DYNC1LI2: variants seen among roughly 807,000 people sequenced by gnomAD.
DYNC1LI2 encodes the protein cytoplasmic dynein 1 light intermediate chain 2.
Under a neutral mutation model 57.8 loss-of-function variants are expected in DYNC1LI2, and 19 were observed. The ratio of observed to expected loss-of-function variants is 0.33; its 90% confidence interval spans 0.23 to 0.48. The LOEUF is 0.48. Among genes scored for constraint, DYNC1LI2 ranks in the 20% least tolerant of loss-of-function variants. The probability of loss-of-function intolerance (pLI) is 0.99; values close to 1 mark genes in which losing one functional copy is unlikely to be tolerated. For missense variants in DYNC1LI2, 470 were observed against 604.2 expected, an observed-to-expected ratio of 0.78 and a Z score of 2.33; for synonymous variants, 256 against 233.4, an observed-to-expected ratio of 1.10 and a Z score of -0.88.
chr16:66,746,497 G>A (rs1162493764), intron 3 of DYNC1LI2, among the ~76,000 whole-genome samples: 2 of 152,094 alleles, frequency 1.3e-5, no homozygotes, highest in South Asian at 2.1e-4. Flanking sequence ...ACTTGCAAGC[G>A]GGTGGCCTAA....
rs2018056080 is a variant in DYNC1LI2 at position 66,751,556 on chromosome 16, T to C, written c.36A>G (p.Leu12=). 1.9e-6 allele frequency: 3 copies of C among 1,584,630 alleles called. No homozygotes were observed. The highest frequency in any genetic ancestry group is 1.4e-5 in the African/African-American group (1 of 71,096). ...APVGVEKKLL[L]GPNGPAVAAA... Reference sequence around the variant, plus strand: ...CCGCCACCGCGGGCCCGTTGGGACCTAGCAGCAGCTTCTTCTCCACCCCCA... The same window carrying C: ...CCGCCACCGCGGGCCCGTTGGGACCCAGCAGCAGCTTCTTCTCCACCCCCA... The change falls in exon 1 of 13, where the codon CTA becomes CTG. Residue 12 remains leucine (L), a synonymous_variant. Coordinates refer to ENST00000258198, the MANE Select transcript of DYNC1LI2 (RefSeq NM_006141.3). This position sits in a 1 kb window ranked among gnomAD's most constrained non-coding sequence, Gnocchi z 5.2.
At chr16:66,726,873 T>C (rs1189884403) in intron 11 of DYNC1LI2, among the ~76,000 whole-genome samples, 1 of 151,900 alleles carries the variant, frequency 6.6e-6, no homozygotes, top group Non-Finnish European at 1.5e-5. Context: ...CCTCAAGTGA[T>C]CTGCCCGCCT....
At chr16:66,730,369 G>T (rs184879591) in intron 7 of DYNC1LI2, 146 bp from the exon 8 acceptor site, 1 of 644,856 alleles carries the variant, frequency 1.6e-6, no homozygotes, top group Non-Finnish European at 2.6e-6. Flanking sequence ...TTTGGCAGAT[G>T]TGCCAAAATA....
At chr16:66,723,974 G>T (rs2017494181) in intron 12 of DYNC1LI2, 152 bp from the exon 13 acceptor site, 2 of 654,982 alleles carry the variant, frequency 3.1e-6, no homozygotes, top group East Asian at 2.9e-5. Flanking sequence ...TACTGCAGTG[G>T]TGAGGAGACC....
rs1452936790 is a variant in DYNC1LI2, at chr16:66,732,482, A to C, written c.794-8T>G. ...AAATCAAGGCAGCTCCATCTAATCAATCTGCTCAAGAAAAATCAATTCACT... is the reference window on the plus strand; with the variant it reads ...AAATCAAGGCAGCTCCATCTAATCACTCTGCTCAAGAAAAATCAATTCACT... On this transcript the variant is annotated splice_region_variant and splice_polypyrimidine_tract_variant and intron_variant, in intron 6 of 12. Coordinates refer to ENST00000258198, the MANE Select transcript of DYNC1LI2 (RefSeq NM_006141.3). The C allele has an allele frequency of 1.2e-6, 2 of 1,607,510 alleles. No homozygotes were observed. Among genetic ancestry groups the C allele is most frequent in the Admixed American group, 1.7e-5 (1 of 58,856 alleles).
At chr16:66,733,953 G>T in intron 6 of DYNC1LI2, 1 of 397,000 alleles carries the variant, frequency 2.5e-6, no homozygotes, top group Admixed American at 4.1e-5. Flanking sequence ...TTGAGGTCAG[G>T]AATTTGAGAC....
intron 5 of DYNC1LI2, among the ~76,000 whole-genome samples, chr16:66,735,009 A>AC (rs1486782871): frequency 6.6e-6 from 1 of 150,868 alleles, no homozygotes; most frequent in Non-Finnish European, 1.5e-5. Context: ...AAAAAAAAAA[A>AC]AAAAAAAAAA....
In DYNC1LI2 at chr16:66,722,464, TG is replaced by T. The variant is rs1178809788; in HGVS notation, c.*1257del. On this transcript the variant is annotated 3_prime_UTR_variant, in exon 13 of 13. Transcript: ENST00000258198. ...TCATTTCCAGAATGGTGGTATAACA[TG>T]ACAATGTGCATGAATTTGCCCTAGG... is the stretch of plus-strand genomic sequence containing the variant. 2 of 152,584 alleles carry T rather than the reference TG, an allele frequency of 1.3e-5. No individual in the cohort carries two copies. The highest frequency in any genetic ancestry group is 3.8e-4 in the East Asian group (2 of 5,202). 9.5% of individuals were successfully genotyped at this position (152,584 alleles called of 1,614,324 possible).
At chr16:66,736,009 C>T in intron 5 of DYNC1LI2, 66 bp downstream of exon 5, 1 of 1,541,578 alleles carries the variant, frequency 6.5e-7, no homozygotes, top group Non-Finnish European at 8.8e-7. Context: ...AACAGTTTCT[C>T]AAACTTTCAG....
chr16:66,732,650 C>T (rs1596989294), intron 6 of DYNC1LI2, 176 bp from the exon 7 acceptor site: 2 of 479,278 alleles, frequency 4.2e-6, no homozygotes, highest in Non-Finnish European at 6.8e-6. Flanking sequence ...ATACTGCACA[C>T]TGGTAAAAAT....
At chr16:66,731,758 C>T (rs985623587) in intron 7 of DYNC1LI2, 3 of 152,312 alleles carry the variant, frequency 2.0e-5, no homozygotes, top group African/African-American at 7.2e-5. Flanking sequence ...TCTGCTAACA[C>T]AAGTCTTGTC....
intron 4 of DYNC1LI2, among the ~76,000 whole-genome samples, chr16:66,741,577 C>T (rs1312757375): frequency 6.6e-6 from 1 of 152,088 alleles, no homozygotes; most frequent in Non-Finnish European, 1.5e-5. Flanking sequence ...GTGAAGATCC[C>T]GTGTGCCATG....
chr16:66,729,207 G>A, intron 8 of DYNC1LI2, 108 bp from the exon 9 acceptor site: 2 of 1,210,224 alleles, frequency 1.7e-6, no homozygotes, highest in South Asian at 2.4e-5. Flanking sequence ...ACACAGGTCT[G>A]GGAGATCCCT....
At chr16:66,730,466 C>A in intron 7 of DYNC1LI2, 1 of 370,254 alleles carries the variant, frequency 2.7e-6, no homozygotes, top group Non-Finnish European at 4.9e-6. Flanking sequence ...AGTATGAGAT[C>A]CCATTCCACA....
intron 3 of DYNC1LI2, among the ~76,000 whole-genome samples, chr16:66,745,828 C>T (rs1342883048): frequency 6.6e-6 from 1 of 151,590 alleles, no homozygotes; most frequent in East Asian, 2.0e-4. Flanking sequence ...TGCTCGAGCT[C>T]GGGAGGTGGA....
Position 66,751,453 on chromosome 16 carries a change from C to T in DYNC1LI2, c.107+32G>A, listed in dbSNP as rs749616134. The T allele has an allele frequency of 6.3e-7, 1 of 1,580,350 alleles. No homozygotes were observed. ...CGGTCCGGCCCAGAGGCCGCGCCCCCCACGGCCCGGCCCGACCGCCCGCGG... is the reference window on the plus strand; with the variant it reads ...CGGTCCGGCCCAGAGGCCGCGCCCCTCACGGCCCGGCCCGACCGCCCGCGG... On this transcript the variant is annotated intron_variant, in intron 1 of 12. Transcript: ENST00000258198. The surrounding 1 kb of genome is among the most constrained non-coding windows in gnomAD (Gnocchi z 5.2).
intron 5 of DYNC1LI2, among the ~76,000 whole-genome samples, chr16:66,735,506 T>A (rs980605682): frequency 2.6e-5 from 4 of 152,134 alleles, no homozygotes; most frequent in Non-Finnish European, 5.9e-5. Context: ...GAGTTCTTTT[T>A]TTTTTATTTT....
chr16:66,732,738 G>A, intron 6 of DYNC1LI2: 1 of 303,504 alleles, frequency 3.3e-6, no homozygotes, highest in Non-Finnish European at 6.0e-6. Flanking sequence ...GTTGATGCTA[G>A]TGGGCTGTAG....
intron 7 of DYNC1LI2, 41 bp from the exon 8 acceptor site, chr16:66,730,264 G>C (rs2017612106): frequency 6.4e-7 from 1 of 1,569,850 alleles, no homozygotes; most frequent in African/African-American, 1.4e-5. Context: ...TTTTCCTGGG[G>C]CTGCCTTAGA....
Sources: gnomAD v4.1 joint callset for allele counts (sites outside exome capture counted in the v4.1 genomes callset) on GRCh38, gnomAD v4.1.1 for gene constraint, Gnocchi (gnomAD v3.1) non-coding constraint, MANE v1.5 for transcripts, NCBI Gene and HGNC (gene_info 2026-07-23, HGNC 2026-07-21) for gene names.